Variants in PIEZO2 observed in about 807,000 individuals in gnomAD.
The protein encoded by PIEZO2 is piezo type mechanosensitive ion channel component 2, also known as piezo-type mechanosensitive ion channel component 2.
A neutral mutation model predicts 337.3 loss-of-function variants in PIEZO2; 172 were observed. That is an observed-to-expected ratio of 0.51 (90% CI 0.45 to 0.58). The LOEUF (loss-of-function observed/expected upper bound fraction) is 0.58, where lower values mean the gene tolerates loss of function less well. Among genes scored for constraint, PIEZO2 ranks in the 20% least tolerant of loss-of-function variants. The pLI is 0.00. For synonymous variants in PIEZO2, 1,251 were observed against 1,228.5 expected (o/e 1.02, Z -0.38); for missense variants, 3,028 against 3,391.3 (o/e 0.89, Z 2.66).
rs1310330157 is a variant in PIEZO2, at chr18:10,971,538, G to A, written c.286+7997C>T. Among the ~76,000 whole-genome samples the A allele has an allele frequency of 2.6e-5, 4 of 152,082 alleles. No individual in the cohort carries two copies. The East Asian group carries it at 5.8e-4, about 22-fold the overall frequency. On this transcript the variant is annotated intron_variant, in intron 3 of 55. Transcript: ENST00000674853. ...GAGGCTGGGAAAACATATCCCCAAT[G>A]ATGAATGCACACCCAGCTCCTCAGC... is the stretch of plus-strand genomic sequence containing the variant.
At chr18:10,818,292 A>G (rs1598527996) in intron 7 of PIEZO2, among the ~76,000 whole-genome samples, 1 of 152,346 alleles carries the variant, frequency 6.6e-6, no homozygotes, top group South Asian at 2.1e-4. Flanking sequence ...CGGCTTTAAA[A>G]GGAATTGAGG....
In PIEZO2 at chr18:10,704,399, T is replaced by C. The variant is rs775413257; in HGVS notation, c.6253A>G (p.Thr2085Ala). 3 of 1,536,910 alleles carry C rather than the reference T, an allele frequency of 2.0e-6. No homozygotes were observed. Among genetic ancestry groups the C allele is most frequent in the Non-Finnish European group, 2.6e-6 (3 of 1,146,882 alleles). ...RRFWMMAIVYTEVAIVVKYFF... is the reference protein window; with the variant it reads ...RRFWMMAIVYAEVAIVVKYFF... ...GGGTCTGCGTCCAGGCCTACCTCAG[T>C]ATAGACGATGGCCATCATCCAGAAC... Residue 2085 changes from threonine to alanine, a missense_variant, in exon 42 of 56, where the codon ACT becomes GCT. By Grantham distance (58) the Thr-to-Ala change is moderately conservative. Transcript: ENST00000674853.
intron 4 of PIEZO2, among the ~76,000 whole-genome samples, chr18:10,880,838 C>A: frequency 9.2e-6 from 1 of 108,442 alleles, no homozygotes; most frequent in Non-Finnish European, 1.8e-5. Flanking sequence ...CAACTGCTTC[C>A]CACATATCAT....
chr18:10,778,503 T>C (rs1225925355), intron 18 of PIEZO2, among the ~76,000 whole-genome samples: 3 of 152,036 alleles, frequency 2.0e-5, no homozygotes, highest in African/African-American at 7.2e-5. Flanking sequence ...CAGCTAATTT[T>C]TTGTATATTT....
At chr18:10,857,334 G>C (rs2041734322) in intron 5 of PIEZO2, 123 bp from the exon 6 acceptor site, 1 of 798,908 alleles carries the variant, frequency 1.3e-6, no homozygotes, top group Non-Finnish European at 2.0e-6. Flanking sequence ...GGAAAAAAGG[G>C]AAGACAACCA....
chr18:10,723,292 T>C (rs7240374), intron 36 of PIEZO2, among the ~76,000 whole-genome samples: 37,817 of 152,038 alleles, frequency 0.25, 4,918 homozygotes, highest in African/African-American at 0.31. Context: ...TTAACTGTAT[T>C]GGGTGCTGAT....
At position 10,928,357 on chromosome 18, in the gene PIEZO2, G is replaced by A. The variant is rs374883380; in HGVS notation, c.287-17129C>T. Among the ~76,000 whole-genome samples, 281 of 152,264 alleles carry A rather than the reference G, an allele frequency of 1.8e-3. 2 individuals carry two copies. In the South Asian group the frequency reaches 0.028, roughly 15 times the overall value. ...GCATGGCCGCTCCAAGCAAAGAGGG[G>A]CTGTTGGATACTCACTGCTCTCATT... On this transcript the variant is annotated intron_variant, in intron 3 of 55. Coordinates refer to ENST00000674853, the MANE Select transcript of PIEZO2 (RefSeq NM_001378183.1).
chr18:11,006,151 T>A (rs1028980493), intron 2 of PIEZO2, among the ~76,000 whole-genome samples: 5 of 152,210 alleles, frequency 3.3e-5, no homozygotes, highest in Non-Finnish European at 7.3e-5. Context: ...TCTCCCCAAC[T>A]GCTTTTTATC....
Position 10,728,885 on chromosome 18 carries a change from G to A in PIEZO2, c.5029+2522C>T, listed in dbSNP as rs566793984. On this transcript the variant is annotated intron_variant, in intron 36 of 55. Transcript: ENST00000674853. The stretch of plus-strand genomic sequence containing the variant: ...CAGAAGAATGGTGTGAACCCGGCAG[G>A]CAGAGCTTGCAGTGAGCTGAGATGG... Among the ~76,000 whole-genome samples, 961 of 150,048 alleles carry A rather than the reference G, an allele frequency of 6.4e-3. 14 individuals carry two copies. The highest frequency in any genetic ancestry group is 0.022 in the African/African-American group (914 of 40,644).
intron 43 of PIEZO2, among the ~76,000 whole-genome samples, chr18:10,700,442 C>G (rs761098721): frequency 2.0e-5 from 3 of 151,502 alleles, no homozygotes. Flanking sequence ...TAACATAATG[C>G]CATTACCTCA....
At chr18:10,906,716 A>G (rs1401496997) in intron 4 of PIEZO2, among the ~76,000 whole-genome samples, 1 of 152,062 alleles carries the variant, frequency 6.6e-6, no homozygotes, top group Non-Finnish European at 1.5e-5. Context: ...ACATGCCGCC[A>G]CGCCTGGCTA....
chr18:10,800,322 A>G lies in PIEZO2; in HGVS notation c.1378+15T>C. On this transcript the variant is annotated intron_variant, in intron 11 of 55. Transcript: ENST00000674853. ...GAGGAAGAAATGCGACCCTGAGTGC[A>G]GGGCTGGCTCCTACCTGAGGATTCA... is the stretch of plus-strand genomic sequence containing the variant. 4.6e-6 allele frequency: 7 copies of G among 1,527,488 alleles called. No individual in the cohort carries two copies. Among genetic ancestry groups the G allele is most frequent in the Non-Finnish European group, 4.4e-6 (5 of 1,143,250 alleles). The allele number at this position is 1,527,488 out of a possible 1,614,324, so 94.6% of individuals were successfully genotyped here.
chr18:11,068,484 G>A (rs967670325), intron 1 of PIEZO2, among the ~76,000 whole-genome samples: 3 of 151,978 alleles, frequency 2.0e-5, no homozygotes, highest in Admixed American at 2.0e-4. Flanking sequence ...AATACCTTGG[G>A]ATTAGCAAAA....
chr18:10,851,478 T>G (rs1408576467), intron 7 of PIEZO2, among the ~76,000 whole-genome samples: 1 of 152,174 alleles, frequency 6.6e-6, no homozygotes, highest in Non-Finnish European at 1.5e-5. Context: ...CCGAAATGTC[T>G]GTAATAAATT....
At chr18:10,885,248 C>G (rs2042543833) in intron 4 of PIEZO2, among the ~76,000 whole-genome samples, 1 of 151,978 alleles carries the variant, frequency 6.6e-6, no homozygotes, top group Non-Finnish European at 1.5e-5. Context: ...CATGGTGAAA[C>G]CCTGTCTCTA....
Position 11,074,683 on chromosome 18 carries a change from C to T in PIEZO2, c.65-8461G>A, listed in dbSNP as rs1479831219. Among the ~76,000 whole-genome samples the T allele has an allele frequency of 7.6e-4, 115 of 152,194 alleles. 2 individuals are homozygous for T. Among genetic ancestry groups the T allele is most frequent in the Admixed American group, 7.5e-3 (114 of 15,280 alleles). Reference sequence around the variant, plus strand: ...GAAGTAGGAAAAATGATCGATTTGACTTTGACAATTTACAATGTGTCAATA... The same window carrying T: ...GAAGTAGGAAAAATGATCGATTTGATTTTGACAATTTACAATGTGTCAATA... On this transcript the variant is annotated intron_variant, in intron 1 of 55. Transcript: ENST00000674853.
chr18:10,696,717 C>CGT (rs1166376995), intron 45 of PIEZO2, among the ~76,000 whole-genome samples, 178 bp from the exon 46 acceptor site: 1 of 152,170 alleles, frequency 6.6e-6, no homozygotes, highest in Non-Finnish European at 1.5e-5. Flanking sequence ...TAACGGAGAG[C>CGT]GTATACACAT....
At chr18:10,696,006 C>G in intron 47 of PIEZO2, 68 bp downstream of exon 47, 1 of 1,439,922 alleles carries the variant, frequency 6.9e-7, no homozygotes, top group East Asian at 2.3e-5. Context: ...GCAATGCATG[C>G]GAGTATCACC....
chr18:10,710,080 T>G (rs2035756970), intron 39 of PIEZO2, among the ~76,000 whole-genome samples: 1 of 152,256 alleles, frequency 6.6e-6, no homozygotes, highest in African/African-American at 2.4e-5. Flanking sequence ...GACTTCGCAT[T>G]TCTGTATTTC....
Sources: allele counts gnomAD v4.1 joint callset (sites outside exome capture counted in the v4.1 genomes callset), GRCh38; gene constraint gnomAD v4.1.1; transcripts MANE v1.5; gene names NCBI Gene and HGNC (gene_info 2026-07-23, HGNC 2026-07-21).